The following ABR variants were observed in gnomAD, a reference collection of about 807,000 sequenced individuals.
ABR encodes the protein active breakpoint cluster region-related protein.
In ABR, 35 loss-of-function variants were observed where a neutral mutation model predicts 107.2. The observed-to-expected ratio is 0.33, with a 90% CI of 0.25 to 0.43. The LOEUF is 0.43. ABR is among the 20% of genes least tolerant of loss of function. ABR has a pLI of 1.00. For synonymous variants in ABR, 498 were observed against 462.0 expected, an observed-to-expected ratio of 1.08 and a Z score of -1.00; for missense variants, 815 against 1,115.2, an observed-to-expected ratio of 0.73 and a Z score of 3.83.
At chr17:1,100,579 G>T (rs1473375346) in intron 3 of ABR, 58 bp downstream of exon 3, 4 of 1,520,550 alleles carry the variant, frequency 2.6e-6, no homozygotes, top group Non-Finnish European at 3.6e-6. Flanking sequence ...TTCAGAGCAT[G>T]ACATCACCCA....
chr17:1,119,854 A>G (rs2258453), intron 2 of ABR, among the ~76,000 whole-genome samples: 150,193 of 152,344 alleles, frequency 0.99, 74,084 homozygotes, highest in Middle Eastern at 1. Context: ...ACGCTGCCCC[A>G]CTGGCTGCAT....
At chr17:1,135,957 AT>A (rs35676621) in intron 1 of ABR, among the ~76,000 whole-genome samples, 85,322 of 149,062 alleles carry the variant, frequency 0.57, 24,350 homozygotes, top group Middle Eastern at 0.67. Context: ...AAATTTTAGC[AT>A]TTTTTTTTTT....
intron 1 of ABR, among the ~76,000 whole-genome samples, chr17:1,192,527 A>G (rs935442423): frequency 2.0e-5 from 3 of 151,788 alleles, no homozygotes; most frequent in African/African-American, 7.3e-5. Flanking sequence ...CTGTAATCCC[A>G]GCATTCTGGG....
intron 6 of ABR, among the ~76,000 whole-genome samples, chr17:1,074,029 G>C (rs2035484890): frequency 6.8e-6 from 1 of 146,738 alleles, no homozygotes; most frequent in Non-Finnish European, 1.5e-5. Flanking sequence ...GAATCACACA[G>C]CTCCACCCAG....
At chr17:1,028,153 T>C (rs373633855) in intron 16 of ABR, among the ~76,000 whole-genome samples, 30 of 152,130 alleles carry the variant, frequency 2.0e-4, no homozygotes, top group South Asian at 6.2e-4. Context: ...TGCAGTGGCA[T>C]GATCTCGGCT....
chr17:1,012,571 G>C (rs984755126), intron 18 of ABR, 117 bp downstream of exon 18: 4 of 777,864 alleles, frequency 5.1e-6, no homozygotes, highest in Middle Eastern at 2.2e-4. Context: ...CCACCGCCGA[G>C]CGGGGGGTAA....
At chr17:1,061,793 C>A (rs535775549) in intron 10 of ABR, among the ~76,000 whole-genome samples, 1 of 152,164 alleles carries the variant, frequency 6.6e-6, no homozygotes, top group Admixed American at 6.5e-5. Context: ...GTGACCCACC[C>A]GTCTCAGCCT....
chr17:1,184,267 A>G (rs2042223810), upstream of ABR, among the ~76,000 whole-genome samples: 1 of 152,160 alleles, frequency 6.6e-6, no homozygotes, highest in African/African-American at 2.4e-5. Flanking sequence ...GATCCTGGCT[A>G]ACACGGGGAA....
intron 1 of ABR, among the ~76,000 whole-genome samples, chr17:1,198,036 A>G (rs1418515184): frequency 1.3e-5 from 2 of 151,838 alleles, no homozygotes; most frequent in African/African-American, 4.9e-5. Flanking sequence ...GGGGCCCTAA[A>G]GGAGAGCTGA....
At chr17:1,029,407 C>A (rs555099970) in intron 16 of ABR, among the ~76,000 whole-genome samples, 1 of 152,174 alleles carries the variant, frequency 6.6e-6, no homozygotes, top group Non-Finnish European at 1.5e-5. Flanking sequence ...CAGTTCTGAT[C>A]ATGAGACCTT....
At position 1,005,968 on chromosome 17, in the gene ABR, G is replaced by C; in HGVS notation, c.*112C>G. On this transcript the variant is annotated 3_prime_UTR_variant, in exon 23 of 23. Transcript: ENST00000302538. ...CAGTTCTTGGAAGCTGGCTTCCCTC[G>C]AGTCTGGAGTGCTGGGTTTGGGAGT... 6 of 995,608 alleles carry C rather than the reference G, an allele frequency of 6.0e-6. No homozygotes were observed. The highest frequency in any genetic ancestry group is 1.4e-5 in the South Asian group (1 of 69,844). 61.7% of individuals were successfully genotyped at this position (995,608 alleles called of 1,614,324 possible). A position where few individuals can be genotyped will look rare whatever the true frequency, so the allele number is the denominator to read the frequency against.
intron 16 of ABR, among the ~76,000 whole-genome samples, chr17:1,046,415 C>T (rs2004755): frequency 0.3 from 45,611 of 151,032 alleles, 6,980 homozygotes; most frequent in South Asian, 0.38. Context: ...GGATTATGGG[C>T]GCGTGCCACC....
At chr17:1,176,624 T>C (rs1190251730) in intron 1 of ABR, among the ~76,000 whole-genome samples, 1 of 152,066 alleles carries the variant, frequency 6.6e-6, no homozygotes, top group African/African-American at 2.4e-5. Flanking sequence ...GGTGGGAAGA[T>C]CACCTGAGGT....
intron 1 of ABR, among the ~76,000 whole-genome samples, chr17:1,220,516 A>G (rs1462281500): frequency 6.6e-6 from 1 of 152,106 alleles, no homozygotes; most frequent in Non-Finnish European, 1.5e-5. Flanking sequence ...AGCTACACAG[A>G]GCGGTGGTGC....
chr17:1,065,524 G>A (rs56211852), intron 10 of ABR, among the ~76,000 whole-genome samples: 10,322 of 33,634 alleles, frequency 0.31, 1,349 homozygotes, highest in Middle Eastern at 0.45. Flanking sequence ...TCCTCTAGAC[G>A]CTGTTGTTAT....
chr17:1,161,904 C>G (rs971487715), intron 1 of ABR, among the ~76,000 whole-genome samples: 1 of 152,136 alleles, frequency 6.6e-6, no homozygotes, highest in African/African-American at 2.4e-5. Context: ...TAGGTCCTCT[C>G]CCACCCGCTA....
intron 1 of ABR, among the ~76,000 whole-genome samples, chr17:1,167,422 G>GTTCC (rs2041555740): frequency 1.3e-5 from 2 of 152,206 alleles, no homozygotes; most frequent in African/African-American, 4.8e-5. Context: ...ATTTCCCAGG[G>GTTCC]TTCCACCTGC....
chr17:1,197,243 T>C (rs918051209), intron 1 of ABR, among the ~76,000 whole-genome samples: 2 of 151,682 alleles, frequency 1.3e-5, no homozygotes, highest in African/African-American at 4.9e-5. Context: ...AAACAGGCCG[T>C]GATCTCCTGC....
intron 1 of ABR, among the ~76,000 whole-genome samples, chr17:1,138,902 A>G (rs559738459): frequency 1.3e-5 from 2 of 152,380 alleles, no homozygotes; most frequent in South Asian, 4.1e-4. Flanking sequence ...GTGGATTTGC[A>G]TTTAAAAAGC....
Sources: allele counts gnomAD v4.1 joint callset (sites outside exome capture counted in the v4.1 genomes callset), GRCh38; gene constraint gnomAD v4.1.1; transcripts MANE v1.5; gene names NCBI Gene and HGNC (gene_info 2026-07-23, HGNC 2026-07-21).